Variants in DCDC1 observed in about 807,000 individuals in gnomAD.
DCDC1 encodes the protein doublecortin domain containing 1.
DCDC1 carries 200 observed loss-of-function variants against 178.3 expected under a neutral mutation model. That is an observed-to-expected ratio of 1.12 (90% CI 1.00 to 1.26). The LOEUF (loss-of-function observed/expected upper bound fraction) is 1.26. Among genes scored for constraint, DCDC1 ranks in the 50% most tolerant of loss-of-function variants. The probability of loss-of-function intolerance (pLI) is 0.00; values close to 1 mark genes in which losing one functional copy is unlikely to be tolerated. For missense variants in DCDC1, 1,983 were observed against 1,749.2 expected (o/e 1.13, Z -2.38); for synonymous variants, 690 against 604.8 (o/e 1.14, Z -2.07).
chr11:31,185,339 G>A (rs879746215), intron 9 of DCDC1, among the ~76,000 whole-genome samples: 3 of 151,950 alleles, frequency 2.0e-5, no homozygotes, highest in Non-Finnish European at 1.5e-5. Flanking sequence ...AGCAAACCAC[G>A]ATGGCACGTG....
In DCDC1 at chr11:31,077,891, C is replaced by A. The variant is rs767693168; in HGVS notation, c.2272G>T (p.Gly758Ter). 8 of 766,222 alleles carry A rather than the reference C, an allele frequency of 1.0e-5. No homozygotes were observed. Among genetic ancestry groups the A allele is most frequent in the Middle Eastern group, 2.3e-4 (1 of 4,440 alleles). 47.5% of individuals were successfully genotyped at this position (766,222 alleles called of 1,614,324 possible). A position where few individuals can be genotyped will look rare whatever the true frequency, so the allele number is the denominator to read the frequency against. The change falls in exon 18 of 39, where the codon GGA (glycine) becomes TGA (stop). Residue 758 changes from glycine to a stop codon, truncating the protein, a stop_gained. Coordinates refer to ENST00000684477, the MANE Select transcript of DCDC1 (RefSeq NM_001387274.1). LOFTEE classifies it high-confidence loss of function. Reference sequence around the variant, plus strand: ...TTTGAATAAATGCAACCATCAGTTCCAAACACCCACTTCTGAGAGTCATCT... The same window carrying A: ...TTTGAATAAATGCAACCATCAGTTCAAAACACCCACTTCTGAGAGTCATCT... Reference protein sequence around the residue: ...SGDDSQKWVFGTDGCIYSKAY... With the variant: ...SGDDSQKWVF
At chr11:31,079,447 G>A (rs1306058505) in intron 17 of DCDC1, among the ~76,000 whole-genome samples, 1 of 152,156 alleles carries the variant, frequency 6.6e-6, no homozygotes, top group Admixed American at 6.5e-5. Context: ...TCTGAGTTCT[G>A]TGAGCCATTC....
At position 31,010,959 on chromosome 11, in the gene DCDC1, T is replaced by C. The variant is rs546449917; in HGVS notation, c.2591+53510A>G. Among the ~76,000 whole-genome samples the C allele has an allele frequency of 3.3e-5, 5 of 152,306 alleles. No homozygotes were observed. In the South Asian group the frequency reaches 1.0e-3, roughly 32 times the overall value. ...TAAACTAATATTGAAATGTTTGTTATATTTTTTAAAAAACCTACTAAACAA... is the reference window on the plus strand; with the variant it reads ...TAAACTAATATTGAAATGTTTGTTACATTTTTTAAAAAACCTACTAAACAA... On this transcript the variant is annotated intron_variant, in intron 20 of 38. Transcript: ENST00000684477.
chr11:31,063,893 C>T (rs944647938), intron 20 of DCDC1, among the ~76,000 whole-genome samples: 2 of 152,012 alleles, frequency 1.3e-5, no homozygotes, highest in African/African-American at 4.8e-5. Context: ...TCAACCCCAA[C>T]AAAATAATAA....
At chr11:31,272,790 G>T (rs1945668680) in intron 7 of DCDC1, among the ~76,000 whole-genome samples, 1 of 152,220 alleles carries the variant, frequency 6.6e-6, no homozygotes, top group African/African-American at 2.4e-5. Flanking sequence ...ATGGGCTGGT[G>T]TTGAATGTCT....
chr11:30,916,495 C>G (rs544481458), intron 26 of DCDC1, among the ~76,000 whole-genome samples: 1 of 152,190 alleles, frequency 6.6e-6, no homozygotes, highest in African/African-American at 2.4e-5. Context: ...AAGGAAGAAA[C>G]TGCATTTTCT....
intron 9 of DCDC1, among the ~76,000 whole-genome samples, chr11:31,157,875 TATAAC>T (rs1380302194): frequency 6.6e-6 from 1 of 152,186 alleles, no homozygotes; most frequent in African/African-American, 2.4e-5. Context: ...AAAAAGTAGC[TATAAC>T]ATATGTTAAG....
rs374063414 is a variant in DCDC1 at position 31,253,412 on chromosome 11, AG to A, written c.1055-11797del. On this transcript the variant is annotated intron_variant, in intron 8 of 38. Coordinates refer to ENST00000684477, the MANE Select transcript of DCDC1 (RefSeq NM_001387274.1). ...TGCTCTGTCACCCAGGCTGGAGTGC[AG>A]TGGCACGATCTCGGCTCACTGCAAG... Among the ~76,000 whole-genome samples, 1,352 of 148,780 alleles carry A rather than the reference AG, an allele frequency of 9.1e-3. 11 individuals are homozygous for A. Among genetic ancestry groups the A allele is most frequent in the Non-Finnish European group, 0.012 (780 of 67,666 alleles).
intron 7 of DCDC1, among the ~76,000 whole-genome samples, chr11:31,268,762 T>C (rs556386488): frequency 7.9e-5 from 12 of 152,328 alleles, no homozygotes; most frequent in African/African-American, 2.2e-4. Context: ...CTGGGTCAAA[T>C]GGTAGTTCTG....
intron 9 of DCDC1, among the ~76,000 whole-genome samples, chr11:31,216,518 C>T (rs577199816): frequency 1.2e-3 from 190 of 152,282 alleles, no homozygotes; most frequent in African/African-American, 4.4e-3. Flanking sequence ...AGAAACCTTA[C>T]CCGGCCATTT....
At chr11:31,242,024 T>C (rs1977210467) in intron 8 of DCDC1, among the ~76,000 whole-genome samples, 1 of 152,008 alleles carries the variant, frequency 6.6e-6, no homozygotes, top group Non-Finnish European at 1.5e-5. Context: ...GAGCACTCTA[T>C]ATACCTAAAA....
At chr11:31,343,815 G>A (rs973506784) in intron 1 of DCDC1, among the ~76,000 whole-genome samples, 17 of 152,184 alleles carry the variant, frequency 1.1e-4, no homozygotes, top group African/African-American at 3.9e-4. Flanking sequence ...AGCTACTTGG[G>A]AGGCTGAGGG....
intron 3 of DCDC1, among the ~76,000 whole-genome samples, chr11:31,315,526 G>A (rs1429343099): frequency 1.3e-5 from 2 of 150,968 alleles, no homozygotes; most frequent in African/African-American, 4.9e-5. Context: ...TTAGTAGAGA[G>A]GGGGTTTCAC....
At chr11:31,265,866 A>G (rs367983438) in intron 7 of DCDC1, among the ~76,000 whole-genome samples, 2 of 149,224 alleles carry the variant, frequency 1.3e-5, no homozygotes, top group African/African-American at 4.9e-5. Flanking sequence ...CTATTATTTA[A>G]TATCTATTAT....
chr11:31,261,144 C>A (rs1162499820), intron 8 of DCDC1, among the ~76,000 whole-genome samples: 1 of 152,094 alleles, frequency 6.6e-6, no homozygotes, highest in African/African-American at 2.4e-5. Flanking sequence ...TTAAAGGAAG[C>A]CCCACTGGCC....
At chr11:31,022,568 TC>T (rs1952943332) in intron 20 of DCDC1, among the ~76,000 whole-genome samples, 1 of 151,898 alleles carries the variant, frequency 6.6e-6, no homozygotes, top group African/African-American at 2.4e-5. Context: ...TTAGTTTGAT[TC>T]CCCTAATGTT....
chr11:31,233,091 A>C (rs1976006753), intron 9 of DCDC1, among the ~76,000 whole-genome samples: 2 of 152,012 alleles, frequency 1.3e-5, no homozygotes, highest in South Asian at 2.1e-4. Context: ...TCATCTCAAA[A>C]AAAAAAAAAA....
chr11:31,286,951 T>TG (rs1337830196), intron 7 of DCDC1, among the ~76,000 whole-genome samples: 4 of 152,032 alleles, frequency 2.6e-5, no homozygotes, highest in African/African-American at 9.7e-5. Context: ...TTGCTCAAAT[T>TG]GGCAGACTTT....
At chr11:30,878,873 T>A (rs1052388511) in intron 37 of DCDC1, among the ~76,000 whole-genome samples, 162 bp from the exon 38 acceptor site, 1 of 152,096 alleles carries the variant, frequency 6.6e-6, no homozygotes, top group African/African-American at 2.4e-5. Context: ...TGAGATATAT[T>A]GTTAATAGTC....
Sources: allele counts gnomAD v4.1 joint callset (sites outside exome capture counted in the v4.1 genomes callset), GRCh38; gene constraint gnomAD v4.1.1; transcripts MANE v1.5; gene names NCBI Gene and HGNC (gene_info 2026-07-23, HGNC 2026-07-21).